STX8: variants seen among roughly 807,000 people sequenced by gnomAD.
STX8 encodes the protein syntaxin-8.
In STX8, 23 loss-of-function variants were observed where a neutral mutation model predicts 37.5. The observed-to-expected ratio is 0.61, with a 90% CI of 0.44 to 0.87. The LOEUF is 0.87. Among genes scored for constraint, STX8 ranks in the 40% least tolerant of loss-of-function variants. The pLI, the probability that STX8 is intolerant of heterozygous loss-of-function variation, is 0.00. For missense variants in STX8, 313 were observed against 284.7 expected, an observed-to-expected ratio of 1.10 and a Z score of -0.71; for synonymous variants, 115 against 99.1, an observed-to-expected ratio of 1.16 and a Z score of -0.95.
At chr17:9,440,775 T>C (rs1314872669) in intron 6 of STX8, among the ~76,000 whole-genome samples, 1 of 152,186 alleles carries the variant, frequency 6.6e-6, no homozygotes, top group African/African-American at 2.4e-5. Flanking sequence ...TCCACCCGCC[T>C]CGGCCTCCCA....
At chr17:9,267,036 CTGTG>C (rs1435579064) in intron 7 of STX8, among the ~76,000 whole-genome samples, 1 of 152,196 alleles carries the variant, frequency 6.6e-6, no homozygotes, top group African/African-American at 2.4e-5. Flanking sequence ...GCTTCCAGTA[CTGTG>C]TGTCACTTCC....
rs945916554 is a variant in STX8 at position 9,425,257 on chromosome 17, C to T, written c.542-46604G>A. Among the ~76,000 whole-genome samples the T allele has an allele frequency of 2.6e-5, 4 of 152,134 alleles. No homozygotes were observed. The East Asian group carries it at 5.8e-4, about 22-fold the overall frequency. The stretch of plus-strand genomic sequence containing the variant: ...GAAAGAATGCCTTCTAGGTAGTCAT[C>T]GTTCAACAAAATCTCAGTAACGTCA... On this transcript the variant is annotated intron_variant, in intron 6 of 7. Transcript: ENST00000306357.
intron 6 of STX8, among the ~76,000 whole-genome samples, chr17:9,487,729 T>C (rs992981037): frequency 6.7e-6 from 1 of 150,244 alleles, no homozygotes; most frequent in Admixed American, 6.7e-5. Context: ...ACAGGGGAGG[T>C]GTGGGGGAAG....
At chr17:9,329,673 C>G (rs563478267) in intron 7 of STX8, among the ~76,000 whole-genome samples, 3 of 152,236 alleles carry the variant, frequency 2.0e-5, no homozygotes, top group Non-Finnish European at 4.4e-5. Flanking sequence ...CATCGGACCA[C>G]TCAGGCCGTT....
chr17:9,288,109 G>A, intron 7 of STX8, among the ~76,000 whole-genome samples: 1 of 97,480 alleles, frequency 1.0e-5, no homozygotes, highest in Non-Finnish European at 1.9e-5. Flanking sequence ...GGGGGGGGGG[G>A]GGAGAAAAGC....
intron 4 of STX8, among the ~76,000 whole-genome samples, chr17:9,506,252 T>C (rs1208093096): frequency 1.3e-5 from 2 of 152,072 alleles, no homozygotes; most frequent in Non-Finnish European, 2.9e-5. Context: ...GAGAAGATCA[T>C]CTTGTCCAGG....
chr17:9,562,640 A>G (rs1907293370), intron 2 of STX8, among the ~76,000 whole-genome samples: 1 of 151,520 alleles, frequency 6.6e-6, no homozygotes, highest in African/African-American at 2.4e-5. Flanking sequence ...ATGGCCCTTA[A>G]GCATATGAAA....
chr17:9,356,151 G>A (rs1451744323), intron 7 of STX8, among the ~76,000 whole-genome samples: 2 of 152,148 alleles, frequency 1.3e-5, no homozygotes, highest in African/African-American at 2.4e-5. Flanking sequence ...TAATATGTAG[G>A]TGGTAGGTCC....
At chr17:9,391,121 G>A (rs550608297) in intron 6 of STX8, among the ~76,000 whole-genome samples, 1 of 152,132 alleles carries the variant, frequency 6.6e-6, no homozygotes, top group Admixed American at 6.6e-5. Context: ...AGATGCCAAA[G>A]TATATAGAAG....
chr17:9,336,625 G>A (rs945092636), intron 7 of STX8, among the ~76,000 whole-genome samples: 3 of 152,138 alleles, frequency 2.0e-5, no homozygotes, highest in Non-Finnish European at 2.9e-5. Context: ...TAGTAGAGAT[G>A]GAGTTTCACC....
intron 7 of STX8, among the ~76,000 whole-genome samples, chr17:9,313,499 G>A (rs1051736309): frequency 2.0e-5 from 3 of 152,198 alleles, no homozygotes; most frequent in African/African-American, 7.2e-5. Context: ...TCTGCCAAGG[G>A]TTACAGAGAA....
At chr17:9,427,359 G>A (rs1462043371) in intron 6 of STX8, among the ~76,000 whole-genome samples, 1 of 152,160 alleles carries the variant, frequency 6.6e-6, no homozygotes, top group African/African-American at 2.4e-5. Context: ...TCCCCAGTGT[G>A]GCAGGCAGTC....
intron 6 of STX8, among the ~76,000 whole-genome samples, chr17:9,381,882 T>C (rs141288786): frequency 3.9e-5 from 6 of 152,188 alleles, no homozygotes; most frequent in African/African-American, 7.2e-5. Flanking sequence ...GGCAGGAGAA[T>C]TGCTTGAACC....
chr17:9,335,795 A>G (rs1048372432), intron 7 of STX8, among the ~76,000 whole-genome samples: 6 of 148,708 alleles, frequency 4.0e-5, no homozygotes, highest in African/African-American at 7.4e-5. Context: ...ATGGCATTCA[A>G]GGTGGGCTCT....
At chr17:9,426,309 C>T (rs12451510) in intron 6 of STX8, among the ~76,000 whole-genome samples, 27,713 of 152,044 alleles carry the variant, frequency 0.18, 3,070 homozygotes, top group Middle Eastern at 0.27. Flanking sequence ...GGTGGATCAC[C>T]TGAGGTCAGG....
At chr17:9,419,547 AAGG>A (rs1391656063) in intron 6 of STX8, among the ~76,000 whole-genome samples, 1 of 152,208 alleles carries the variant, frequency 6.6e-6, no homozygotes, top group Non-Finnish European at 1.5e-5. Flanking sequence ...CAACAGCAAA[AAGG>A]ACAACAAATG....
chr17:9,419,355 T>C (rs1233100831), intron 6 of STX8, among the ~76,000 whole-genome samples: 4 of 152,194 alleles, frequency 2.6e-5, no homozygotes, highest in African/African-American at 7.2e-5. Flanking sequence ...TGGGACTGTA[T>C]AGGCATAAGC....
At chr17:9,370,499 G>GC (rs1233811513) in intron 7 of STX8, among the ~76,000 whole-genome samples, 1 of 152,146 alleles carries the variant, frequency 6.6e-6, no homozygotes, top group African/African-American at 2.4e-5. Context: ...CCAGGGTCCT[G>GC]CCCCACCTCC....
intron 5 of STX8, among the ~76,000 whole-genome samples, chr17:9,503,542 C>T (rs370620083): frequency 1.3e-5 from 2 of 152,072 alleles, no homozygotes; most frequent in South Asian, 2.1e-4. Flanking sequence ...CCTTTTTATT[C>T]ATTAATTTTT....
Sources: gnomAD v4.1 joint callset for allele counts (sites outside exome capture counted in the v4.1 genomes callset) on GRCh38, gnomAD v4.1.1 for gene constraint, MANE v1.5 for transcripts, NCBI Gene and HGNC (gene_info 2026-07-23, HGNC 2026-07-21) for gene names.